MYOF: variants seen among roughly 807,000 people sequenced by gnomAD.
MYOF encodes the protein fer-1-like 3, myoferlin.
In MYOF, 244 loss-of-function variants were observed where a neutral mutation model predicts 284.2. That is an observed-to-expected ratio of 0.86 (90% CI 0.77 to 0.95). The LOEUF is 0.95. Ranked by LOEUF, MYOF falls within the 40% of genes least tolerant of loss-of-function variation. The pLI, the probability that MYOF is intolerant of heterozygous loss-of-function variation, is 0.00. For synonymous variants in MYOF, 904 were observed against 919.7 expected (o/e 0.98, Z 0.31); for missense variants, 2,496 against 2,560.6 (o/e 0.97, Z 0.54).
chr10:93,397,830 A>G (rs1386327826), intron 13 of MYOF, among the ~76,000 whole-genome samples: 2 of 151,672 alleles, frequency 1.3e-5, no homozygotes, highest in Admixed American at 6.6e-5. Flanking sequence ...CCTGCCCTCT[A>G]CCCCAAACTG....
At chr10:93,383,986 G>A (rs1043850311) in intron 19 of MYOF, among the ~76,000 whole-genome samples, 2 of 152,194 alleles carry the variant, frequency 1.3e-5, no homozygotes, top group African/African-American at 4.8e-5. Context: ...CAGAATCCCT[G>A]ATAGGACCCT....
intron 1 of MYOF, among the ~76,000 whole-genome samples, chr10:93,466,107 T>C (rs1564740675): frequency 6.6e-6 from 1 of 152,114 alleles, no homozygotes; most frequent in Non-Finnish European, 1.5e-5. Flanking sequence ...TGAGAAGGGC[T>C]GGCAGAAACG....
intron 25 of MYOF, among the ~76,000 whole-genome samples, chr10:93,367,381 T>C (rs2133949091): frequency 6.6e-6 from 1 of 152,298 alleles, no homozygotes; most frequent in South Asian, 2.1e-4. Flanking sequence ...ATGATTTGCA[T>C]AAGCCATAGG....
intron 12 of MYOF, among the ~76,000 whole-genome samples, chr10:93,400,328 TC>T (rs148511629): frequency 0.48 from 59,689 of 123,616 alleles, 13,444 homozygotes; most frequent in Middle Eastern, 0.67. Flanking sequence ...TTCTTCTTCT[TC>T]TTTTTTTTTT....
intron 46 of MYOF, chr10:93,324,509 T>C (rs2133775307): frequency 6.6e-6 from 1 of 152,326 alleles, no homozygotes; most frequent in East Asian, 1.9e-4. Flanking sequence ...GATGGGGGTT[T>C]GTGGATTCCC....
chr10:93,462,830 T>TAA (rs891228528), intron 1 of MYOF, among the ~76,000 whole-genome samples: 51 of 142,996 alleles, frequency 3.6e-4, no homozygotes, highest in African/African-American at 1.2e-3. Flanking sequence ...TCTGTAAAAA[T>TAA]AAAAAAAAAA....
At chr10:93,399,029 TGG>T (rs67935510) in intron 13 of MYOF, among the ~76,000 whole-genome samples, 2 of 150,656 alleles carry the variant, frequency 1.3e-5, no homozygotes, top group Non-Finnish European at 3.0e-5. Flanking sequence ...AACAGGGCAC[TGG>T]GGGGGGGTCT....
intron 1 of MYOF, among the ~76,000 whole-genome samples, chr10:93,477,428 G>T (rs2057287937): frequency 6.6e-6 from 1 of 152,082 alleles, no homozygotes; most frequent in Admixed American, 6.6e-5. Flanking sequence ...GGAGGTGGAA[G>T]TTGCAGTGAA....
chr10:93,328,694 C>A, intron 45 of MYOF, 69 bp downstream of exon 45: 1 of 1,503,236 alleles, frequency 6.7e-7, no homozygotes, highest in Non-Finnish European at 9.1e-7. Flanking sequence ...TATTCACTCC[C>A]CCAAACCCAG....
chr10:93,324,618 G>A (rs1478574459), intron 46 of MYOF: 1 of 152,172 alleles, frequency 6.6e-6, no homozygotes, highest in African/African-American at 2.4e-5. Context: ...TTGGTGAAAG[G>A]AAGAGTAAGA....
chr10:93,442,610 A>G (rs1472588160), intron 3 of MYOF, among the ~76,000 whole-genome samples: 9 of 152,184 alleles, frequency 5.9e-5, no homozygotes, highest in Admixed American at 4.6e-4. Context: ...ATTTATATTC[A>G]GAAACTGTTT....
chr10:93,374,104 A>G (rs1480783893), intron 23 of MYOF, among the ~76,000 whole-genome samples: 6 of 152,162 alleles, frequency 3.9e-5, no homozygotes, highest in Non-Finnish European at 8.8e-5. Context: ...GAGTGAGAAC[A>G]TGCGGTGTTT....
At chr10:93,356,381 G>A (rs995768404) in intron 30 of MYOF, among the ~76,000 whole-genome samples, 10 of 152,230 alleles carry the variant, frequency 6.6e-5, no homozygotes, top group African/African-American at 2.4e-4. Flanking sequence ...TGCCTGGGAT[G>A]TGAATAGGTG....
chr10:93,431,309 A>G, intron 4 of MYOF, 99 bp downstream of exon 4: 1 of 943,382 alleles, frequency 1.1e-6, no homozygotes, highest in Non-Finnish European at 1.6e-6. Flanking sequence ...CTGGGATTAC[A>G]GGTGTGAGCC....
In MYOF at chr10:93,401,283, G is replaced by A. The variant is rs1004477399; in HGVS notation, c.1117+135C>T. 3.9e-6 allele frequency: 5 copies of A among 1,270,840 alleles called. No individual in the cohort carries two copies. The African/African-American group carries it at 7.5e-5, about 19-fold the overall frequency. The allele number at this position is 1,270,840 out of a possible 1,614,324, so 78.7% of individuals were successfully genotyped here. ...AGCTTTCAACTGGGCCAGAATGAAT[G>A]AAAATAAGCCCATGAAGCCCTTTCA... is the stretch of plus-strand genomic sequence containing the variant. On this transcript the variant is annotated intron_variant, in intron 12 of 53. Coordinates refer to ENST00000359263, the MANE Select transcript of MYOF (RefSeq NM_013451.4).
intron 41 of MYOF, among the ~76,000 whole-genome samples, chr10:93,335,392 A>G (rs1010631383): frequency 1.3e-5 from 2 of 152,200 alleles, no homozygotes; most frequent in Non-Finnish European, 2.9e-5. Context: ...AAACCCAAGC[A>G]AAGCCTTTCA....
chr10:93,366,346 A>G (rs1363681874), intron 26 of MYOF, 46 bp downstream of exon 26: 1 of 1,582,540 alleles, frequency 6.3e-7, no homozygotes, highest in Admixed American at 1.9e-5. Context: ...ATTTCTAGAG[A>G]AAGATTTCAT....
rs749078159 is a variant in MYOF, at chr10:93,361,413, C to A, written c.2974+39G>T. 1.7e-5 allele frequency: 27 copies of A among 1,593,478 alleles called. 1 individual carries two copies. The South Asian group carries it at 3.0e-4, about 18-fold the overall frequency. On this transcript the variant is annotated intron_variant, in intron 28 of 53. Coordinates refer to ENST00000359263, the MANE Select transcript of MYOF (RefSeq NM_013451.4). ...TTTATCCTGGTTAACCAAGGCCCTG[C>A]TGCAGAGCCCCAATCAGGTCACAGA...
chr10:93,323,698 T>TGC, intron 46 of MYOF: 1 of 294,410 alleles, frequency 3.4e-6, no homozygotes, highest in South Asian at 6.6e-5. Flanking sequence ...CACACGCACG[T>TGC]GCACACACAC....
Sources: allele counts gnomAD v4.1 joint callset (sites outside exome capture counted in the v4.1 genomes callset), GRCh38; gene constraint gnomAD v4.1.1; transcripts MANE v1.5; gene names NCBI Gene and HGNC (gene_info 2026-07-23, HGNC 2026-07-21).